The following USP31 variants were observed in gnomAD, a reference collection of about 807,000 sequenced individuals.
The protein encoded by USP31 is ubiquitin specific peptidase 31.
Under a neutral mutation model 119.4 loss-of-function variants are expected in USP31, and 44 were observed. The observed-to-expected ratio is 0.37, with a 90% CI of 0.29 to 0.47. The LOEUF (loss-of-function observed/expected upper bound fraction) is 0.47, where lower values mean the gene tolerates loss of function less well. USP31 is among the 20% of genes least tolerant of loss of function. The probability of loss-of-function intolerance (pLI) is 0.99; values close to 1 mark genes in which losing one functional copy is unlikely to be tolerated. For missense variants in USP31, 1,643 were observed against 1,730.2 expected (o/e 0.95, Z 0.89); for synonymous variants, 749 against 705.6 (o/e 1.06, Z -0.97).
At chr16:23,089,776 T>G (rs573398460) in intron 7 of USP31, among the ~76,000 whole-genome samples, 1 of 152,084 alleles carries the variant, frequency 6.6e-6, no homozygotes, top group Non-Finnish European at 1.5e-5. Context: ...TTAGACAAAT[T>G]TGAGAGAGAT....
chr16:23,144,452 G>C (rs1422338305), intron 1 of USP31, among the ~76,000 whole-genome samples: 44 of 151,956 alleles, frequency 2.9e-4, no homozygotes, highest in Admixed American at 2.9e-3. Flanking sequence ...TATGCCTCAG[G>C]TCCACCTTCT....
chr16:23,105,526 C>T lies in USP31; in HGVS notation c.1004G>A (p.Arg335Lys). 1 of 1,614,112 alleles carries T rather than the reference C, an allele frequency of 6.2e-7. No individual in the cohort carries two copies. Among genetic ancestry groups the T allele is most frequent in the East Asian group, 2.2e-5 (1 of 44,886 alleles). The part of the protein sequence containing the change: ...VYQGKCSHCM[R>K]IGVAVPLSGT... ...AGACAGAGGTACGGCCACACCAATC[C>T]TCATGCAGTGAGAACATTTGCCTTG... Residue 335 changes from arginine (R) to lysine (K), a missense_variant, in exon 5 of 16, where the codon AGG becomes AAG. Physicochemically the swap from Arg to Lys is conservative, Grantham distance 26. Transcript: ENST00000219689.
In USP31 at chr16:23,090,661, C is replaced by T. The variant is rs780859517; in HGVS notation, c.1378G>A (p.Val460Met). The change falls in exon 7 of 16, where the codon GTG becomes ATG. Residue 460 changes from valine (V) to methionine (M), a missense_variant. Physicochemically the swap from Val to Met is conservative, Grantham distance 21. Transcript: ENST00000219689. ...TGCCCAGTGCAGGCTCGGTTACACA[C>T]CAACAGGACAATCTTGTCGCTGCCT... ...RAGSDKIVLL[V>M]CNRACTGQQG... 6.2e-7 allele frequency: 1 copy of T among 1,613,864 alleles called. No individual in the cohort carries two copies. The highest frequency in any genetic ancestry group is 1.3e-5 in the African/African-American group (1 of 74,932).
chr16:23,126,190 G>C (rs933425154), intron 1 of USP31, among the ~76,000 whole-genome samples: 1 of 151,844 alleles, frequency 6.6e-6, no homozygotes, highest in African/African-American at 2.4e-5. Flanking sequence ...GAGAGTGGTG[G>C]CAGGCACCTG....
At chr16:23,144,475 T>A (rs1042141572) in intron 1 of USP31, among the ~76,000 whole-genome samples, 3 of 151,778 alleles carry the variant, frequency 2.0e-5, no homozygotes, top group African/African-American at 7.3e-5. Context: ...TGTTTACCTT[T>A]CTTTTTTTTT....
chr16:23,092,103 G>A (rs1901389007), intron 6 of USP31, among the ~76,000 whole-genome samples: 1 of 152,168 alleles, frequency 6.6e-6, no homozygotes, highest in Admixed American at 6.5e-5. Context: ...AGCTGGGAGT[G>A]GTTACTTCAT....
intron 1 of USP31, among the ~76,000 whole-genome samples, chr16:23,147,823 G>T (rs1334009632): frequency 6.6e-6 from 1 of 152,144 alleles, no homozygotes; most frequent in Non-Finnish European, 1.5e-5. Context: ...TGTAGTCCCA[G>T]CTATTAAATA....
In USP31 at chr16:23,066,629, G is replaced by A. The variant is rs193180813; in HGVS notation, c.*1417C>T. The stretch of plus-strand genomic sequence containing the variant: ...GGCAAAGTGACAAATGCTATTCAGA[G>A]AGAATCAAGACCTTCACTCTCTTGA... On this transcript the variant is annotated 3_prime_UTR_variant, in exon 16 of 16. Transcript: ENST00000219689. 6 of 152,086 alleles carry A rather than the reference G, an allele frequency of 3.9e-5. No homozygotes were observed. The East Asian group carries it at 1.2e-3, about 29-fold the overall frequency. 9.4% of individuals were successfully genotyped at this position (152,086 alleles called of 1,614,324 possible).
chr16:23,090,676 T>G lies in USP31; in HGVS notation c.1363A>C (p.Lys455Gln). The change falls in exon 7 of 16, where the codon AAG becomes CAG. Residue 455 changes from lysine to glutamine, a missense_variant. Coordinates refer to ENST00000219689, the MANE Select transcript of USP31 (RefSeq NM_020718.4). ...CGGTTACACACCAACAGGACAATCTTGTCGCTGCCTGCTCTTGATGTGGGA... is the reference window on the plus strand; with the variant it reads ...CGGTTACACACCAACAGGACAATCTGGTCGCTGCCTGCTCTTGATGTGGGA... ...DSPTSRAGSD[K>Q]IVLLVCNRAC... 2 of 1,614,094 alleles carry G rather than the reference T, an allele frequency of 1.2e-6. No homozygotes were observed. Among genetic ancestry groups the G allele is most frequent in the Non-Finnish European group, 1.7e-6 (2 of 1,179,958 alleles).
chr16:23,101,398 T>C (rs1901850732), intron 6 of USP31, among the ~76,000 whole-genome samples: 1 of 152,088 alleles, frequency 6.6e-6, no homozygotes, highest in African/African-American at 2.4e-5. Context: ...GCCTGTAGGA[T>C]TTCTAAGTAG....
In USP31 at chr16:23,069,102, A is replaced by C. The variant is rs750769508; in HGVS notation, c.3003T>G (p.Ser1001=). Residue 1001 remains serine (S), a synonymous_variant, in exon 16 of 16, where the codon TCT becomes TCG. Transcript: ENST00000219689. The part of the protein sequence containing the change: ...YVDQSDSVDS[S]PVKEVKAPSH... ...TGGGGGCTTTCACCTCTTTGACTGGAGAGCTGTCTACGGAGTCGCTCTGAT... is the reference window on the plus strand; with the variant it reads ...TGGGGGCTTTCACCTCTTTGACTGGCGAGCTGTCTACGGAGTCGCTCTGAT... 2 of 1,612,858 alleles carry C rather than the reference A, an allele frequency of 1.2e-6. No individual in the cohort carries two copies. The highest frequency in any genetic ancestry group is 8.5e-7 in the Non-Finnish European group (1 of 1,180,022).
chr16:23,135,035 T>C (rs1020263310), intron 1 of USP31, among the ~76,000 whole-genome samples: 3 of 151,088 alleles, frequency 2.0e-5, no homozygotes, highest in Admixed American at 6.6e-5. Context: ...CATATGAAAA[T>C]TGATCGTAAC....
rs1248427539 is a variant in USP31 at position 23,069,159 on chromosome 16, T to A, written c.2946A>T (p.Pro982=). Residue 982 remains proline, a synonymous_variant, in exon 16 of 16, where the codon CCA becomes CCT. Transcript: ENST00000219689. ...AAGCGATCTGATTATTGTTATCAAATGGACCAGAGAGCGGGGGCAGGCGGT... is the reference window on the plus strand; with the variant it reads ...AAGCGATCTGATTATTGTTATCAAAAGGACCAGAGAGCGGGGGCAGGCGGT... ...QGDRLPPLSG[P]FDNNNQIAYV... is the part of the protein sequence containing the mutation. The A allele has an allele frequency of 6.2e-7, 1 of 1,614,002 alleles. No individual in the cohort carries two copies. Among genetic ancestry groups the A allele is most frequent in the Non-Finnish European group, 8.5e-7 (1 of 1,180,032 alleles).
At chr16:23,112,663 G>T (rs775051613) in intron 1 of USP31, among the ~76,000 whole-genome samples, 3 of 152,062 alleles carry the variant, frequency 2.0e-5, no homozygotes, top group Non-Finnish European at 4.4e-5. Context: ...TCATTTAGAA[G>T]AATCAAAACC....
intron 2 of USP31, among the ~76,000 whole-genome samples, chr16:23,107,313 T>G (rs769668409): frequency 6.6e-6 from 1 of 152,094 alleles, no homozygotes; most frequent in African/African-American, 2.4e-5. Flanking sequence ...ACAAAGATAA[T>G]AAGACCCAGT....
At chr16:23,139,860 C>G (rs1268641736) in intron 1 of USP31, among the ~76,000 whole-genome samples, 1 of 152,198 alleles carries the variant, frequency 6.6e-6, no homozygotes, top group African/African-American at 2.4e-5. Flanking sequence ...TTTCTATCAG[C>G]TATTAAATTT....
rs183690402 is a variant in USP31, at chr16:23,110,827, G to A, written c.634-2644C>T. Among the ~76,000 whole-genome samples the A allele has an allele frequency of 2.6e-5, 4 of 152,196 alleles. 1 individual carries two copies. Among genetic ancestry groups the A allele is most frequent in the Admixed American group, 2.6e-4 (4 of 15,282 alleles). On this transcript the variant is annotated intron_variant, in intron 1 of 15. Coordinates refer to ENST00000219689, the MANE Select transcript of USP31 (RefSeq NM_020718.4). ...TCAAATTTTAGCCATATTATATATGGGAGTAAAGAGAAATCAGGGGGCCGG... is the reference window on the plus strand; with the variant it reads ...TCAAATTTTAGCCATATTATATATGAGAGTAAAGAGAAATCAGGGGGCCGG...
intron 1 of USP31, among the ~76,000 whole-genome samples, chr16:23,111,380 G>C (rs1012543372): frequency 2.0e-5 from 3 of 152,092 alleles, no homozygotes; most frequent in African/African-American, 7.2e-5. Context: ...TGTCACTCAG[G>C]TGTCCTACCT....
chr16:23,134,353 C>T (rs969955688), intron 1 of USP31, among the ~76,000 whole-genome samples: 1 of 152,144 alleles, frequency 6.6e-6, no homozygotes, highest in African/African-American at 2.4e-5. Context: ...ATGGTAACAA[C>T]ATCAGTTAGC....
Sources: gnomAD v4.1 joint callset for allele counts (sites outside exome capture counted in the v4.1 genomes callset) on GRCh38, gnomAD v4.1.1 for gene constraint, MANE v1.5 for transcripts, NCBI Gene and HGNC (gene_info 2026-07-23, HGNC 2026-07-21) for gene names.